NKAIN4: variants seen among roughly 807,000 people sequenced by gnomAD.
NKAIN4 encodes the protein sodium/potassium-transporting ATPase subunit beta-1-interacting protein 4.
Under a neutral mutation model 28.8 loss-of-function variants are expected in NKAIN4, and 28 were observed. The observed-to-expected ratio is 0.97, with a 90% CI of 0.72 to 1.33. The LOEUF (loss-of-function observed/expected upper bound fraction) is 1.33. Among genes scored for constraint, NKAIN4 ranks in the 40% most tolerant of loss-of-function variants. The pLI, the probability that NKAIN4 is intolerant of heterozygous loss-of-function variation, is 0.00. For synonymous variants in NKAIN4, 122 were observed against 115.6 expected, an observed-to-expected ratio of 1.06 and a Z score of -0.36; for missense variants, 289 against 277.2, an observed-to-expected ratio of 1.04 and a Z score of -0.30.
intron 4 of NKAIN4, chr20:63,246,996 C>T: frequency 1.0e-6 from 1 of 999,286 alleles, no homozygotes; most frequent in Non-Finnish European, 1.2e-6. Context: ...ACGGCAGAGT[C>T]CCGTTCCCGC....
At chr20:63,254,351 CG>C in intron 1 of NKAIN4, 45 bp downstream of exon 1, 1 of 1,392,532 alleles carries the variant, frequency 7.2e-7, no homozygotes. Context: ...CGCCGTGGGT[CG>C]GGCACCGGGG....
intron 5 of NKAIN4, chr20:63,243,743 C>T: frequency 3.1e-6 from 1 of 324,884 alleles, no homozygotes; most frequent in East Asian, 5.6e-5. Flanking sequence ...CCTCCCGTGG[C>T]CACTGCGGGG....
In NKAIN4 at chr20:63,244,023, C is replaced by T. The variant is rs1414909503; in HGVS notation, c.532+1G>A. ...ACTGCCTGCAGAGGCCCCATACTCA[C>T]AGCTGTCCTCTTCCTCCGTAAACAC... On this transcript the variant is annotated splice_donor_variant, in intron 5 of 6. Coordinates refer to ENST00000370316, the MANE Select transcript of NKAIN4 (RefSeq NM_152864.4). LOFTEE classifies it high-confidence loss of function. The T allele has an allele frequency of 6.2e-7, 1 of 1,612,820 alleles. No individual in the cohort carries two copies. The highest frequency in any genetic ancestry group is 2.2e-5 in the East Asian group (1 of 44,884).
In NKAIN4 at chr20:63,247,694, C is replaced by T. The variant is rs746602438; in HGVS notation, c.355G>A (p.Val119Met). Residue 119 changes from valine to methionine, a missense_variant, in exon 4 of 7, where the codon GTG (valine) becomes ATG (methionine). Transcript: ENST00000370316. ...GGGGCCCCGAGGCCCACTGCTGGCA[C>T]CTCCTCATGCAGACAGCCTGGCCAG... The part of the protein sequence containing the change: ...ERWPGCLHEE[V>M]PAVGLGAPHG... The T allele has an allele frequency of 6.5e-6, 10 of 1,533,824 alleles. No individual in the cohort carries two copies. The highest frequency in any genetic ancestry group is 1.2e-5 in the South Asian group (1 of 81,238).
chr20:63,241,336 G>A lies in NKAIN4; in HGVS notation c.*161C>T, dbSNP rs1015404054. ...CAGCCAGCCGTGGCACTGCCCTGCC[G>A]CCCTGGCTGGTGTCCAGTACTTAGA... On this transcript the variant is annotated 3_prime_UTR_variant, in exon 7 of 7. Coordinates refer to ENST00000370316, the MANE Select transcript of NKAIN4 (RefSeq NM_152864.4). The A allele has an allele frequency of 7.7e-6, 5 of 653,204 alleles. No individual in the cohort carries two copies. Among genetic ancestry groups the A allele is most frequent in the Non-Finnish European group, 1.1e-5 (4 of 363,306 alleles). The allele number at this position is 653,204 out of a possible 1,614,324, so 40.5% of individuals were successfully genotyped here.
intron 3 of NKAIN4, 27 bp from the exon 4 acceptor site, chr20:63,247,802 C>G (rs910376092): frequency 7.0e-7 from 1 of 1,426,054 alleles, no homozygotes; most frequent in Non-Finnish European, 9.2e-7. Flanking sequence ...GGAGCAGGGC[C>G]GGTTAGCACC....
rs767807158 is a variant in NKAIN4, at chr20:63,252,039, G to A, written c.55-1967C>T. The stretch of plus-strand genomic sequence containing the variant: ...ACAGTTCTGTGAGGTCTGGGCTGGC[G>A]GCTGGGACAAGCTGCACATCTCGGC... On this transcript the variant is annotated intron_variant, in intron 1 of 6. Transcript: ENST00000370316. The surrounding 1 kb of genome is among the most constrained non-coding windows in gnomAD (Gnocchi z 4.6). Among the ~76,000 whole-genome samples the A allele has an allele frequency of 4.6e-5, 7 of 152,190 alleles. No homozygotes were observed. The highest frequency in any genetic ancestry group is 6.5e-5 in the Admixed American group (1 of 15,272).
At position 63,248,803 on chromosome 20, in the gene NKAIN4, G is replaced by C. The variant is rs761300876; in HGVS notation, c.273+12C>G. The C allele has an allele frequency of 6.3e-7, 1 of 1,594,956 alleles. No homozygotes were observed. The highest frequency in any genetic ancestry group is 8.6e-7 in the Non-Finnish European group (1 of 1,164,002). On this transcript the variant is annotated intron_variant, in intron 3 of 6. Coordinates refer to ENST00000370316, the MANE Select transcript of NKAIN4 (RefSeq NM_152864.4). The stretch of plus-strand genomic sequence containing the variant: ...GGGAAGGACCTCGCGCTGCCTCCCA[G>C]TCTGCACTCACCTTTAAGAGGCCAC...
At chr20:63,253,387 A>AT (rs2066995089) in intron 1 of NKAIN4, 1 of 985,356 alleles carries the variant, frequency 1.0e-6, no homozygotes, top group Non-Finnish European at 1.2e-6. Context: ...TCCGCCCGCA[A>AT]GCCTGTGCCC....
At chr20:63,249,258 C>T in intron 2 of NKAIN4, 1 of 271,920 alleles carries the variant, frequency 3.7e-6, no homozygotes, top group South Asian at 4.3e-5. Context: ...CAGAGCACCC[C>T]AGAAGCCACC....
rs1020792144 is a variant in NKAIN4, at chr20:63,252,156, G to A, written c.55-2084C>T. 3.3e-5 allele frequency among the ~76,000 whole-genome samples: 5 copies of A among 152,150 alleles called. No homozygotes were observed. The highest frequency in any genetic ancestry group is 4.1e-4 in the South Asian group (2 of 4,828). On this transcript the variant is annotated intron_variant, in intron 1 of 6. Coordinates refer to ENST00000370316, the MANE Select transcript of NKAIN4 (RefSeq NM_152864.4). The surrounding 1 kb of genome is among the most constrained non-coding windows in gnomAD (Gnocchi z 4.6). ...GGGCTGGGGGCGTCTTTTTCATCTC[G>A]AAGCCAAGGCTCCCAGAGGCTCAGG... is the stretch of plus-strand genomic sequence containing the variant.
In NKAIN4 at chr20:63,254,407, G is replaced by A; in HGVS notation, c.44C>T (p.Ala15Val). The A allele has an allele frequency of 6.9e-7, 1 of 1,450,212 alleles. No individual in the cohort carries two copies. Among genetic ancestry groups the A allele is most frequent in the African/African-American group, 1.5e-5 (1 of 67,848 alleles). The allele number at this position is 1,450,212 out of a possible 1,614,324, so 89.8% of individuals were successfully genotyped here. A position where few individuals can be genotyped will look rare whatever the true frequency, so the allele number is the denominator to read the frequency against. Residue 15 changes from alanine to valine, a missense_variant, in exon 1 of 7, where the codon GCT becomes GTT. Transcript: ENST00000370316. ...GGGGTCGCCACTCACCAGCTGAAAA[G>A]CGCAGAGGACGACGAGCGCGCAGCG... ...SGRCALVVLC[A>V]FQLVAALERQ...
rs1247840922 is a variant in NKAIN4 at position 63,244,072 on chromosome 20, C to CAA, written c.482_483dup (p.Val162LeufsTer50). ...ACGCTGACCACCTGGCAGCCACAGA[C>CAA]AAAGCCCAGAAGCTGAAAGACACCA... On this transcript the variant is annotated frameshift_variant, in exon 5 of 7. Transcript: ENST00000370316. LOFTEE classifies it high-confidence loss of function. The CAA allele has an allele frequency of 1.9e-6, 3 of 1,613,682 alleles. No individual in the cohort carries two copies. The African/African-American group carries it at 4.0e-5, about 22-fold the overall frequency.
chr20:63,248,993 G>GCCGCCCCTCCT, intron 2 of NKAIN4, 98 bp from the exon 3 acceptor site: 1 of 813,428 alleles, frequency 1.2e-6, no homozygotes, highest in Non-Finnish European at 2.1e-6. Context: ...GATCGCATAG[G>GCCGCCCCTCCT]AGGGGCGGCC....
rs762542876 is a variant in NKAIN4 at position 63,241,254 on chromosome 20, GTTTTC to G, written c.*238_*242del. 1.5e-5 allele frequency: 8 copies of G among 538,406 alleles called. No individual in the cohort carries two copies. The highest frequency in any genetic ancestry group is 3.9e-5 in the African/African-American group (2 of 51,094). 33.4% of individuals were successfully genotyped at this position (538,406 alleles called of 1,614,324 possible). A position where few individuals can be genotyped will look rare whatever the true frequency, so the allele number is the denominator to read the frequency against. ...TGGGGTTTTGCCTTTTCTTTTGTATGTTTTCTTTTCTTTTTTTTTTTTAAGAGAAA... is the reference window on the plus strand; with the variant it reads ...TGGGGTTTTGCCTTTTCTTTTGTATGTTTTCTTTTTTTTTTTTAAGAGAAA... On this transcript the variant is annotated 3_prime_UTR_variant, in exon 7 of 7. Transcript: ENST00000370316.
chr20:63,253,111 G>A (rs367784658), intron 1 of NKAIN4: 7 of 686,906 alleles, frequency 1.0e-5, no homozygotes, highest in East Asian at 1.3e-4. Context: ...GAGGTCATCC[G>A]ACGGGCACTG....
At chr20:63,250,543 C>T (rs935455981) in intron 1 of NKAIN4, among the ~76,000 whole-genome samples, 14 of 152,046 alleles carry the variant, frequency 9.2e-5, no homozygotes, top group African/African-American at 1.7e-4. Context: ...GAGTACTGGA[C>T]GCCGAGGCCC....
In NKAIN4 at chr20:63,248,887, C is replaced by T; in HGVS notation, c.201G>A (p.Leu67=). Residue 67 remains leucine (L), a synonymous_variant, in exon 3 of 7, where the codon CTG becomes CTA. Transcript: ENST00000370316. ...YRLRYVMVYT[L]WAAVWVTWNV... ...TCCAGGTGACCCAGACGGCTGCCCA[C>T]AGCGTGTACTAGGGAGAGGAGAGGA... 2 of 1,611,954 alleles carry T rather than the reference C, an allele frequency of 1.2e-6. No individual in the cohort carries two copies. Among genetic ancestry groups the T allele is most frequent in the Non-Finnish European group, 1.7e-6 (2 of 1,179,174 alleles).
intron 1 of NKAIN4, 81 bp from the exon 2 acceptor site, chr20:63,250,153 A>T: frequency 6.8e-7 from 1 of 1,462,860 alleles, no homozygotes; most frequent in Non-Finnish European, 9.1e-7. Context: ...CCAAGGTGAC[A>T]GGATCTCAGC....
Sources: allele counts gnomAD v4.1 joint callset (sites outside exome capture counted in the v4.1 genomes callset), GRCh38; gene constraint gnomAD v4.1.1; non-coding constraint Gnocchi (gnomAD v3.1); transcripts MANE v1.5; gene names NCBI Gene and HGNC (gene_info 2026-07-23, HGNC 2026-07-21).